The following LRIG1 variants were observed in gnomAD, a reference collection of about 807,000 sequenced individuals.
The protein encoded by LRIG1 is leucine rich repeats and immunoglobulin like domains 1, also known as leucine-rich repeats and immunoglobulin-like domains protein 1.
A neutral mutation model predicts 99.2 loss-of-function variants in LRIG1; 48 were observed. The observed-to-expected ratio is 0.48, with a 90% confidence interval of 0.38 to 0.62. The LOEUF (loss-of-function observed/expected upper bound fraction) is 0.62. Among genes scored for constraint, LRIG1 ranks in the 20% least tolerant of loss-of-function variants. LRIG1 has a pLI of 0.00. For synonymous variants in LRIG1, 772 were observed against 596.1 expected, an observed-to-expected ratio of 1.29 and a Z score of -4.30; for missense variants, 1,646 against 1,434.4, an observed-to-expected ratio of 1.15 and a Z score of -2.38.
rs544753510 is a variant in LRIG1 at position 66,430,333 on chromosome 3, T to C, written c.366-13067A>G. ...ATTTAAAAGCAAATGTCGAATACGA[T>C]GGATTTTCGATTTTCAAATAGCACG... On this transcript the variant is annotated intron_variant, in intron 3 of 18. Transcript: ENST00000273261. 2.3e-4 allele frequency among the ~76,000 whole-genome samples: 35 copies of C among 152,260 alleles called. No individual in the cohort carries two copies. The East Asian group carries it at 2.7e-3, about 12-fold the overall frequency.
chr3:66,383,453 G>A, intron 14 of LRIG1, 52 bp from the exon 15 acceptor site: 1 of 1,447,132 alleles, frequency 6.9e-7, no homozygotes, highest in Non-Finnish European at 9.3e-7. Context: ...CCGTTGCTCT[G>A]GCTCTGCCCG....
At chr3:66,492,739 T>C (rs139928106) in intron 1 of LRIG1, among the ~76,000 whole-genome samples, 1 of 152,142 alleles carries the variant, frequency 6.6e-6, no homozygotes, top group South Asian at 2.1e-4. Context: ...GAAACCAAAA[T>C]GTATTAGGAC....
At chr3:66,396,895 C>T (rs1277880164) in intron 11 of LRIG1, among the ~76,000 whole-genome samples, 2 of 152,206 alleles carry the variant, frequency 1.3e-5, no homozygotes, top group Non-Finnish European at 2.9e-5. Flanking sequence ...TGAGTCCAGC[C>T]TTCCCTTCCA....
chr3:66,449,498 C>T (rs979005479), intron 3 of LRIG1, among the ~76,000 whole-genome samples: 4 of 152,200 alleles, frequency 2.6e-5, no homozygotes, highest in Non-Finnish European at 5.9e-5. Context: ...AGGAACAAGG[C>T]CAAACAGCCC....
chr3:66,413,020 G>A lies in LRIG1; in HGVS notation c.648-6C>T. The A allele has an allele frequency of 6.2e-7, 1 of 1,614,204 alleles. No individual in the cohort carries two copies. The highest frequency in any genetic ancestry group is 8.5e-7 in the Non-Finnish European group (1 of 1,180,022). On this transcript the variant is annotated splice_region_variant and splice_polypyrimidine_tract_variant and intron_variant, in intron 5 of 18. Transcript: ENST00000273261. Reference sequence around the variant, plus strand: ...TCCTGTTCCGATTGAGGTCCCTAAAGAGATGAAGCCAGCAGGGTCAGAGTG... The same window carrying A: ...TCCTGTTCCGATTGAGGTCCCTAAAAAGATGAAGCCAGCAGGGTCAGAGTG...
chr3:66,398,052 G>T, intron 11 of LRIG1, 60 bp downstream of exon 11: 4 of 1,376,264 alleles, frequency 2.9e-6, no homozygotes, highest in South Asian at 1.2e-5. Flanking sequence ...AATTGCAGAA[G>T]TTTCTTACTC....
At position 66,383,364 on chromosome 3, in the gene LRIG1, C is replaced by T. The variant is rs775996108; in HGVS notation, c.2109G>A (p.Val703=). ...PSLVVPLEDR[V]VSVGETVALQ... ...GGGCCACTGTTTCTCCCACAGATAC[C>T]ACACGGTCTTCCAAGGGGACCACCA... Residue 703 remains valine, a synonymous_variant, in exon 15 of 19, where the codon GTG becomes GTA. Coordinates refer to ENST00000273261, the MANE Select transcript of LRIG1 (RefSeq NM_015541.3). 5 of 1,577,966 alleles carry T rather than the reference C, an allele frequency of 3.2e-6. No individual in the cohort carries two copies. The Admixed American group carries it at 8.5e-5, about 27-fold the overall frequency.
intron 3 of LRIG1, among the ~76,000 whole-genome samples, chr3:66,446,992 AGTG>A (rs1038400254): frequency 2.0e-5 from 3 of 152,236 alleles, no homozygotes; most frequent in Non-Finnish European, 2.9e-5. Flanking sequence ...AGCATTCTGT[AGTG>A]GTGATGGTTG....
chr3:66,428,780 G>T (rs1419717928), intron 3 of LRIG1, among the ~76,000 whole-genome samples: 1 of 152,188 alleles, frequency 6.6e-6, no homozygotes, highest in Non-Finnish European at 1.5e-5. Context: ...TTTACTCAAA[G>T]AACTGCTGTC....
chr3:66,493,178 C>A (rs1376360650), intron 1 of LRIG1, among the ~76,000 whole-genome samples: 1 of 152,092 alleles, frequency 6.6e-6, no homozygotes, highest in East Asian at 1.9e-4. Flanking sequence ...GAAGAGCACA[C>A]CTGCATTTTT....
At chr3:66,385,082 G>A (rs926196832) in intron 13 of LRIG1, among the ~76,000 whole-genome samples, 1 of 152,200 alleles carries the variant, frequency 6.6e-6, no homozygotes, top group Non-Finnish European at 1.5e-5. Flanking sequence ...TAGAGAGTTA[G>A]TAATCAGGAT....
intron 1 of LRIG1, among the ~76,000 whole-genome samples, chr3:66,483,779 T>C (rs554905649): frequency 6.6e-6 from 1 of 152,256 alleles, no homozygotes; most frequent in African/African-American, 2.4e-5. Flanking sequence ...TGAGAGACCA[T>C]GTCAACAGCT....
intron 6 of LRIG1, 140 bp downstream of exon 6, chr3:66,412,731 A>G (rs757534598): frequency 1.5e-5 from 14 of 933,840 alleles, no homozygotes; most frequent in Non-Finnish European, 2.1e-5. Flanking sequence ...ACCACACAGC[A>G]ATGCTGGTGT....
At chr3:66,442,629 T>TC (rs1703580741) in intron 3 of LRIG1, among the ~76,000 whole-genome samples, 1 of 151,902 alleles carries the variant, frequency 6.6e-6, no homozygotes, top group South Asian at 2.1e-4. Flanking sequence ...AAGCAGCACT[T>TC]CCCCTCCGAG....
At chr3:66,390,993 G>T (rs1372635046) in intron 12 of LRIG1, among the ~76,000 whole-genome samples, 1 of 150,450 alleles carries the variant, frequency 6.6e-6, no homozygotes, top group African/African-American at 2.5e-5. Flanking sequence ...ACTGGCAAAT[G>T]ATTTAAATAG....
rs762433036 is a variant in LRIG1 at position 66,380,664 on chromosome 3, C to G, written c.2968G>C (p.Glu990Gln). 5 of 1,614,180 alleles carry G rather than the reference C, an allele frequency of 3.1e-6. No individual in the cohort carries two copies. The highest frequency in any genetic ancestry group is 2.2e-5 in the South Asian group (2 of 91,078). ...CSRTAAGSCP[E>Q]CQGSLYPSNH... ...CTGGGGTAGAGCGACCCTTGGCACT[C>G]GGGGCAGGACCCAGCGGCAGTCCTG... Residue 990 changes from glutamate to glutamine, a missense_variant, in exon 18 of 19, where the codon GAG becomes CAG. Coordinates refer to ENST00000273261, the MANE Select transcript of LRIG1 (RefSeq NM_015541.3).
At chr3:66,493,454 A>C (rs1374104449) in intron 1 of LRIG1, among the ~76,000 whole-genome samples, 1 of 152,186 alleles carries the variant, frequency 6.6e-6, no homozygotes, top group Non-Finnish European at 1.5e-5. Flanking sequence ...TTTGGCTAAG[A>C]TTTCCAAGGG....
chr3:66,461,698 T>C (rs1054652398), intron 2 of LRIG1, among the ~76,000 whole-genome samples: 5 of 152,200 alleles, frequency 3.3e-5, no homozygotes, highest in African/African-American at 1.2e-4. Flanking sequence ...ATATGTATAC[T>C]ACATATATGT....
At chr3:66,495,251 T>C (rs1028006843) in intron 1 of LRIG1, among the ~76,000 whole-genome samples, 6 of 152,214 alleles carry the variant, frequency 3.9e-5, no homozygotes, top group African/African-American at 1.4e-4. Context: ...TTTAGATATT[T>C]GCCCTTCCCT....
Sources: allele counts gnomAD v4.1 joint callset (sites outside exome capture counted in the v4.1 genomes callset), GRCh38; gene constraint gnomAD v4.1.1; transcripts MANE v1.5; gene names NCBI Gene and HGNC (gene_info 2026-07-23, HGNC 2026-07-21).